The following ABR variants were observed in gnomAD, a reference collection of about 807,000 sequenced individuals.
ABR encodes active breakpoint cluster region-related protein.
ABR carries 35 observed loss-of-function variants against 107.2 expected under a neutral mutation model. That is an observed-to-expected ratio of 0.33 (90% CI 0.25 to 0.43). The LOEUF (loss-of-function observed/expected upper bound fraction) is 0.43. ABR is among the 20% of genes least tolerant of loss of function. The probability of loss-of-function intolerance (pLI) is 1.00; values close to 1 mark genes in which losing one functional copy is unlikely to be tolerated. For missense variants in ABR, 815 were observed against 1,115.2 expected, an observed-to-expected ratio of 0.73 and a Z score of 3.83; for synonymous variants, 498 against 462.0, an observed-to-expected ratio of 1.08 and a Z score of -1.00.
chr17:1,064,906 G>A (rs56384587), intron 10 of ABR, among the ~76,000 whole-genome samples: 2,255 of 37,210 alleles, frequency 0.061, no homozygotes, highest in South Asian at 0.094. Context: ...TGAGGGCTAT[G>A]CATGTTCCTC....
At chr17:1,022,802 G>A (rs1005994626) in intron 16 of ABR, among the ~76,000 whole-genome samples, 4 of 152,238 alleles carry the variant, frequency 2.6e-5, no homozygotes, top group Non-Finnish European at 5.9e-5. Flanking sequence ...AGATAGGCTC[G>A]GGCTGATGCC....
At chr17:1,075,329 A>C (rs1432558688) in intron 6 of ABR, among the ~76,000 whole-genome samples, 1 of 152,274 alleles carries the variant, frequency 6.6e-6, no homozygotes, top group East Asian at 1.9e-4. Context: ...ATCTGGGAAG[A>C]AGGATCCCAG....
chr17:1,180,620 T>C (rs1229944804), upstream of ABR, among the ~76,000 whole-genome samples: 2 of 152,086 alleles, frequency 1.3e-5, no homozygotes, highest in Non-Finnish European at 2.9e-5. Context: ...CCCCAAGGGC[T>C]CCACGCGTTC....
At chr17:1,222,117 TG>T (rs2043131289) in intron 1 of ABR, among the ~76,000 whole-genome samples, 1 of 141,504 alleles carries the variant, frequency 7.1e-6, no homozygotes, top group Admixed American at 7.4e-5. Context: ...CAAGCTGGAG[TG>T]CAGAGTCGTG....
At chr17:1,054,035 C>T (rs956173205) in intron 14 of ABR, among the ~76,000 whole-genome samples, 8 of 152,300 alleles carry the variant, frequency 5.3e-5, no homozygotes, top group Admixed American at 1.3e-4. Context: ...GTTAGAGCTC[C>T]GGCTCTGGTG....
chr17:1,024,382 G>A (rs910733449), intron 16 of ABR, among the ~76,000 whole-genome samples: 2 of 152,226 alleles, frequency 1.3e-5, no homozygotes, highest in Non-Finnish European at 2.9e-5. Flanking sequence ...AGGACACCGC[G>A]GGTGAGAGCC....
intron 21 of ABR, among the ~76,000 whole-genome samples, chr17:1,008,349 C>T (rs1335482570): frequency 6.6e-6 from 1 of 152,218 alleles, no homozygotes; most frequent in Non-Finnish European, 1.5e-5. Flanking sequence ...TTCCCACCCT[C>T]CAGGCAGGAG....
intron 6 of ABR, among the ~76,000 whole-genome samples, chr17:1,075,082 GCCC>G (rs1215594931): frequency 6.6e-6 from 1 of 152,246 alleles, no homozygotes; most frequent in Non-Finnish European, 1.5e-5. Flanking sequence ...GCCAGCCCAG[GCCC>G]CCAAGAGCCA....
At chr17:1,068,958 T>C (rs1005996216) in intron 9 of ABR, among the ~76,000 whole-genome samples, 1 of 152,178 alleles carries the variant, frequency 6.6e-6, no homozygotes, top group African/African-American at 2.4e-5. Flanking sequence ...CCTCAATAAA[T>C]AGTAGCAGGA....
At chr17:1,206,286 C>T (rs954126464) in intron 1 of ABR, among the ~76,000 whole-genome samples, 3 of 152,184 alleles carry the variant, frequency 2.0e-5, no homozygotes, top group Non-Finnish European at 4.4e-5. Context: ...TGGGTTGTTG[C>T]GTGCACAACC....
chr17:1,220,582 C>T (rs1246503716), intron 1 of ABR, among the ~76,000 whole-genome samples: 1 of 152,084 alleles, frequency 6.6e-6, no homozygotes, highest in Admixed American at 6.5e-5. Context: ...TATACAGAGC[C>T]CAGTTTCCAA....
chr17:1,217,288 G>A (rs1050080629), intron 1 of ABR, among the ~76,000 whole-genome samples: 2 of 152,154 alleles, frequency 1.3e-5, no homozygotes, highest in Admixed American at 6.5e-5. Context: ...ATGCTTCGCT[G>A]TTCCAGCTCT....
chr17:1,159,566 A>ACG (rs1452394316), intron 1 of ABR, among the ~76,000 whole-genome samples: 1 of 93,960 alleles, frequency 1.1e-5, no homozygotes, highest in Admixed American at 1.0e-4. Context: ...TGCGGTACTC[A>ACG]CACACGGGAG....
intron 2 of ABR, among the ~76,000 whole-genome samples, chr17:1,113,539 G>C (rs561726078): frequency 2.0e-5 from 3 of 151,806 alleles, no homozygotes; most frequent in African/African-American, 4.8e-5. Context: ...CACCCGCCTC[G>C]GCCTCCCAAA....
At chr17:1,091,634 C>T (rs756390074) in intron 4 of ABR, 31 bp downstream of exon 4, 5 of 1,600,194 alleles carry the variant, frequency 3.1e-6, no homozygotes, top group East Asian at 2.2e-5. Context: ...TGAGGCCCTG[C>T]GTGAGGACCC....
At chr17:1,102,155 C>T (rs550247960) in intron 2 of ABR, among the ~76,000 whole-genome samples, 6 of 152,198 alleles carry the variant, frequency 3.9e-5, no homozygotes, top group Non-Finnish European at 8.8e-5. Context: ...GTCTTTCCCA[C>T]AGCCAGGACA....
intron 2 of ABR, among the ~76,000 whole-genome samples, chr17:1,101,838 A>G (rs2037900422): frequency 6.7e-6 from 1 of 149,794 alleles, no homozygotes; most frequent in Non-Finnish European, 1.5e-5. Context: ...GGTTCACGCC[A>G]TTCTCCTGCC....
intron 13 of ABR, 86 bp downstream of exon 13, chr17:1,056,912 A>G (rs76519395): frequency 0.018 from 15,572 of 875,592 alleles, 568 homozygotes; most frequent in Admixed American, 0.11. Flanking sequence ...TTACAGCCAC[A>G]TGTCTGTCTG....
At chr17:1,166,658 T>C (rs1481076209) in intron 1 of ABR, among the ~76,000 whole-genome samples, 1 of 152,206 alleles carries the variant, frequency 6.6e-6, no homozygotes, top group Non-Finnish European at 1.5e-5. Flanking sequence ...CGCCTGGTCC[T>C]TCCCATCCAG....
Sources: gnomAD v4.1 joint callset for allele counts (sites outside exome capture counted in the v4.1 genomes callset) on GRCh38, gnomAD v4.1.1 for gene constraint, MANE v1.5 for transcripts, NCBI Gene and HGNC (gene_info 2026-07-23, HGNC 2026-07-21) for gene names.